ADARB2: variants seen among roughly 807,000 people sequenced by gnomAD.
ADARB2 encodes inactive double-stranded RNA-specific editase B2.
A neutral mutation model predicts 62.2 loss-of-function variants in ADARB2; 25 were observed. That is an observed-to-expected ratio of 0.40 (90% CI 0.29 to 0.56). The LOEUF (loss-of-function observed/expected upper bound fraction) is 0.56. Ranked by LOEUF, ADARB2 falls within the 20% of genes least tolerant of loss-of-function variation. The pLI is 0.43. For synonymous variants in ADARB2, 572 were observed against 500.8 expected, an observed-to-expected ratio of 1.14 and a Z score of -1.90; for missense variants, 1,071 against 1,077.4, an observed-to-expected ratio of 0.99 and a Z score of 0.08.
intron 6 of ADARB2, among the ~76,000 whole-genome samples, chr10:1,225,771 G>A (rs1460540110): frequency 1.3e-5 from 2 of 151,244 alleles, no homozygotes; most frequent in African/African-American, 2.4e-5. Context: ...AGTTTCTGCC[G>A]AGAGATCAGC....
intron 1 of ADARB2, among the ~76,000 whole-genome samples, chr10:1,722,656 C>T (rs1348177912): frequency 6.6e-6 from 1 of 152,142 alleles, no homozygotes; most frequent in East Asian, 1.9e-4. Flanking sequence ...CTATTCTTCT[C>T]TTGGGAAATA....
intron 3 of ADARB2, among the ~76,000 whole-genome samples, chr10:1,276,175 C>G (rs1490130801): frequency 6.6e-6 from 1 of 152,136 alleles, no homozygotes; most frequent in South Asian, 2.1e-4. Flanking sequence ...CCTGTTGTTT[C>G]CTGACTTTTT....
chr10:1,682,364 G>A (rs1158852888), intron 1 of ADARB2, among the ~76,000 whole-genome samples: 1 of 152,206 alleles, frequency 6.6e-6, no homozygotes, highest in East Asian at 1.9e-4. Flanking sequence ...AGGAATGGCA[G>A]CCAGATGATC....
At chr10:1,703,419 G>C (rs1002223046) in intron 1 of ADARB2, among the ~76,000 whole-genome samples, 3 of 152,152 alleles carry the variant, frequency 2.0e-5, no homozygotes, top group Non-Finnish European at 4.4e-5. Flanking sequence ...CTGGTGAGCA[G>C]TGAGGAGGCT....
At chr10:1,594,719 A>G (rs1833307709) in intron 1 of ADARB2, among the ~76,000 whole-genome samples, 2 of 152,202 alleles carry the variant, frequency 1.3e-5, no homozygotes, top group African/African-American at 4.8e-5. Context: ...CTGCTGGAGC[A>G]AGATCAAGAG....
At chr10:1,266,774 G>C (rs1831208693) in intron 4 of ADARB2, among the ~76,000 whole-genome samples, 1 of 152,246 alleles carries the variant, frequency 6.6e-6, no homozygotes, top group African/African-American at 2.4e-5. Flanking sequence ...ACACGGGCCA[G>C]GGCGTCTCCT....
chr10:1,402,415 T>A (rs370878047), intron 1 of ADARB2, among the ~76,000 whole-genome samples: 4 of 151,814 alleles, frequency 2.6e-5, no homozygotes, highest in African/African-American at 9.7e-5. Flanking sequence ...ACAGAGGGAG[T>A]TTCACTGAGA....
chr10:1,242,375 C>T, intron 4 of ADARB2, 76 bp from the exon 5 acceptor site: 2 of 1,458,060 alleles, frequency 1.4e-6, no homozygotes, highest in South Asian at 1.3e-5. Context: ...TTCAGGGTCT[C>T]ACAACAGCGG....
At chr10:1,685,875 G>T (rs1834591096) in intron 1 of ADARB2, among the ~76,000 whole-genome samples, 1 of 152,150 alleles carries the variant, frequency 6.6e-6, no homozygotes, top group South Asian at 2.1e-4. Flanking sequence ...CCCTCCAGTG[G>T]GGGAGGCTGA....
At chr10:1,500,258 T>C (rs1174605513) in intron 1 of ADARB2, among the ~76,000 whole-genome samples, 1 of 152,238 alleles carries the variant, frequency 6.6e-6, no homozygotes, top group African/African-American at 2.4e-5. Flanking sequence ...CCATGTGTAA[T>C]GACCTGTCTG....
intron 4 of ADARB2, among the ~76,000 whole-genome samples, chr10:1,251,814 C>G (rs1240981888): frequency 6.6e-6 from 1 of 152,146 alleles, no homozygotes; most frequent in Non-Finnish European, 1.5e-5. Flanking sequence ...GAGTCCAGCC[C>G]TCTTATGCCA....
intron 1 of ADARB2, among the ~76,000 whole-genome samples, chr10:1,619,289 TAAAA>T (rs59098282): frequency 1.2e-4 from 14 of 115,764 alleles, no homozygotes; most frequent in East Asian, 2.7e-4. Flanking sequence ...ACATTGAAAG[TAAAA>T]AAAAAAAAAA....
In ADARB2 at chr10:1,472,951, T is replaced by C. The variant is rs896177610; in HGVS notation, c.101-93791A>G. On this transcript the variant is annotated intron_variant, in intron 1 of 9. Coordinates refer to ENST00000381312, the MANE Select transcript of ADARB2 (RefSeq NM_018702.4). ...GGCACCAGGAAAAAGCATCTCCCAA[T>C]AGATAGAAATGCTTGGGACTGGTGA... 4.6e-5 allele frequency among the ~76,000 whole-genome samples: 7 copies of C among 151,470 alleles called. No individual in the cohort carries two copies. In the East Asian group the frequency reaches 1.2e-3, roughly 25 times the overall value.
At chr10:1,379,014 G>T in intron 2 of ADARB2, 60 bp downstream of exon 2, 1 of 1,470,846 alleles carries the variant, frequency 6.8e-7, no homozygotes, top group Non-Finnish European at 9.5e-7. Context: ...GGACTGCAGG[G>T]GACCCCTGCA....
intron 3 of ADARB2, 24 bp downstream of exon 3, chr10:1,363,004 C>G: frequency 7.6e-7 from 1 of 1,324,032 alleles, no homozygotes; most frequent in Non-Finnish European, 9.7e-7. Flanking sequence ...CGCCCGTTCC[C>G]CCTGCACCCG....
Position 1,181,273 on chromosome 10 carries a change from G to A in ADARB2, c.*1920C>T, listed in dbSNP as rs991549182. 6.6e-6 allele frequency: 1 copy of A among 151,838 alleles called. No individual in the cohort carries two copies. Among genetic ancestry groups the A allele is most frequent in the Non-Finnish European group, 1.5e-5 (1 of 67,962 alleles). 9.4% of individuals were successfully genotyped at this position (151,838 alleles called of 1,614,324 possible). A position where few individuals can be genotyped will look rare whatever the true frequency, so the allele number is the denominator to read the frequency against. ...GCCACCCATCACCTCTCGACTCTAA[G>A]TTCTCTAAGCTTCATCCTAGTGATG... On this transcript the variant is annotated 3_prime_UTR_variant, in exon 10 of 10. Coordinates refer to ENST00000381312, the MANE Select transcript of ADARB2 (RefSeq NM_018702.4).
intron 1 of ADARB2, among the ~76,000 whole-genome samples, chr10:1,396,256 G>T (rs540008199): frequency 6.6e-6 from 1 of 152,208 alleles, no homozygotes; most frequent in South Asian, 2.1e-4. Flanking sequence ...ACTCTCTCCA[G>T]CCTTGAGAGT....
intron 1 of ADARB2, among the ~76,000 whole-genome samples, chr10:1,415,956 C>T (rs1338243462): frequency 4.6e-5 from 7 of 152,144 alleles, no homozygotes; most frequent in African/African-American, 1.4e-4. Context: ...ACTCACCAGC[C>T]GTGTGATCAC....
At chr10:1,350,560 G>A (rs552087332) in intron 3 of ADARB2, among the ~76,000 whole-genome samples, 134 of 152,240 alleles carry the variant, frequency 8.8e-4, no homozygotes, top group African/African-American at 3.1e-3. Context: ...GGTGGCTGGA[G>A]CTAAAGGCAT....
Sources: allele counts gnomAD v4.1 joint callset (sites outside exome capture counted in the v4.1 genomes callset), GRCh38; gene constraint gnomAD v4.1.1; transcripts MANE v1.5; gene names NCBI Gene and HGNC (gene_info 2026-07-23, HGNC 2026-07-21).